NELL2: variants seen among roughly 807,000 people sequenced by gnomAD.
The protein encoded by NELL2 is protein kinase C-binding protein NELL2.
Under a neutral mutation model 109.6 loss-of-function variants are expected in NELL2, and 41 were observed. The observed-to-expected ratio is 0.37, with a 90% CI of 0.29 to 0.49. The LOEUF (loss-of-function observed/expected upper bound fraction) is 0.49. NELL2 is among the 20% of genes least tolerant of loss of function. The probability of loss-of-function intolerance (pLI) is 0.98; values close to 1 mark genes in which losing one functional copy is unlikely to be tolerated. For missense variants in NELL2, 900 were observed against 1,008.3 expected (o/e 0.89, Z 1.45); for synonymous variants, 355 against 344.7 (o/e 1.03, Z -0.33).
At chr12:44,635,180 T>C (rs1427874854) in intron 13 of NELL2, among the ~76,000 whole-genome samples, 8 of 152,204 alleles carry the variant, frequency 5.3e-5, no homozygotes, top group African/African-American at 1.9e-4. Flanking sequence ...TTCTGGATAC[T>C]AGCCCTTTGT....
At chr12:44,751,597 ACATTT>A (rs972157630) in intron 9 of NELL2, among the ~76,000 whole-genome samples, 1 of 152,212 alleles carries the variant, frequency 6.6e-6, no homozygotes, top group Non-Finnish European at 1.5e-5. Context: ...GACCAAGATA[ACATTT>A]CATATTTTCC....
intron 15 of NELL2, among the ~76,000 whole-genome samples, chr12:44,557,121 C>T (rs1943287318): frequency 6.6e-6 from 1 of 152,264 alleles, no homozygotes; most frequent in East Asian, 1.9e-4. Flanking sequence ...CATCCTTTCT[C>T]GTTCTCCCAT....
In NELL2 at chr12:44,641,372, G is replaced by A. The variant is rs192845836; in HGVS notation, c.1444+24112C>T. Among the ~76,000 whole-genome samples, 960 of 152,242 alleles carry A rather than the reference G, an allele frequency of 6.3e-3. 6 individuals carry two copies. Among genetic ancestry groups the A allele is most frequent in the Non-Finnish European group, 0.011 (767 of 68,014 alleles). The stretch of plus-strand genomic sequence containing the variant: ...TCAAATGTAATTCATGATACAAATG[G>A]ATATGGACAAAGTGAAGGATAATCA... On this transcript the variant is annotated intron_variant, in intron 13 of 19. Transcript: ENST00000429094.
At chr12:44,579,207 C>T (rs1177864342) in intron 15 of NELL2, among the ~76,000 whole-genome samples, 1 of 152,162 alleles carries the variant, frequency 6.6e-6, no homozygotes, top group African/African-American at 2.4e-5. Flanking sequence ...ACTTTAGATT[C>T]AAACACATGG....
At chr12:44,852,194 G>A (rs570458157) in intron 2 of NELL2, among the ~76,000 whole-genome samples, 12 of 152,066 alleles carry the variant, frequency 7.9e-5, no homozygotes, top group South Asian at 2.1e-4. Context: ...CTGAAATTCC[G>A]TATCTCAATT....
At chr12:44,570,621 A>G (rs1449626909) in intron 15 of NELL2, among the ~76,000 whole-genome samples, 1 of 152,210 alleles carries the variant, frequency 6.6e-6, no homozygotes, top group Non-Finnish European at 1.5e-5. Flanking sequence ...AAAATTTTAC[A>G]CTAATTAATA....
intron 1 of NELL2, among the ~76,000 whole-genome samples, chr12:44,890,981 C>A (rs139745625): frequency 7.0e-4 from 107 of 152,300 alleles, no homozygotes; most frequent in Admixed American, 1.5e-3. Flanking sequence ...CCACCCGCCT[C>A]GGCATCCCCA....
intron 13 of NELL2, among the ~76,000 whole-genome samples, chr12:44,612,313 T>C (rs972797340): frequency 1.1e-4 from 16 of 152,072 alleles, no homozygotes; most frequent in African/African-American, 3.4e-4. Flanking sequence ...CACAAAGTTA[T>C]GATAGCTTTA....
intron 3 of NELL2, among the ~76,000 whole-genome samples, chr12:44,793,254 T>A (rs988399272): frequency 6.6e-6 from 1 of 152,284 alleles, no homozygotes; most frequent in East Asian, 1.9e-4. Flanking sequence ...AAAGAATGAA[T>A]AAAATACCAA....
intron 15 of NELL2, among the ~76,000 whole-genome samples, chr12:44,602,984 A>G (rs890911393): frequency 1.3e-5 from 2 of 152,152 alleles, no homozygotes; most frequent in Admixed American, 6.5e-5. Flanking sequence ...TAAACTTAAA[A>G]AAAATCAACC....
intron 13 of NELL2, among the ~76,000 whole-genome samples, chr12:44,645,253 G>A (rs1180620327): frequency 6.6e-6 from 1 of 152,058 alleles, no homozygotes; most frequent in East Asian, 1.9e-4. Context: ...AATAAGCAAG[G>A]GAAGAACATG....
intron 15 of NELL2, among the ~76,000 whole-genome samples, chr12:44,584,245 G>A (rs1328215963): frequency 6.6e-6 from 1 of 152,214 alleles, no homozygotes; most frequent in Admixed American, 6.5e-5. Flanking sequence ...AGAAGAGGAA[G>A]TATCTACCTT....
At chr12:44,586,815 GCAACGA>G (rs1944524777) in intron 15 of NELL2, among the ~76,000 whole-genome samples, 1 of 152,056 alleles carries the variant, frequency 6.6e-6, no homozygotes, top group African/African-American at 2.4e-5. Flanking sequence ...CTCTACAAGG[GCAACGA>G]TGTTGCCCAA....
intron 9 of NELL2, among the ~76,000 whole-genome samples, chr12:44,730,250 AG>A (rs1407122150): frequency 1.3e-5 from 2 of 152,212 alleles, no homozygotes; most frequent in African/African-American, 2.4e-5. Context: ...AAAGTCAATA[AG>A]GAAACAGAAG....
intron 15 of NELL2, among the ~76,000 whole-genome samples, chr12:44,576,019 T>C (rs1183599787): frequency 7.9e-5 from 12 of 152,192 alleles, no homozygotes; most frequent in Non-Finnish European, 1.2e-4. Context: ...TCCAGGCACA[T>C]TGGTCCTCTT....
chr12:44,806,587 G>T (rs949437500), intron 3 of NELL2, among the ~76,000 whole-genome samples: 1 of 151,720 alleles, frequency 6.6e-6, no homozygotes, highest in African/African-American at 2.4e-5. Flanking sequence ...AGTGCATATA[G>T]AAAATAGCCA....
chr12:44,575,039 C>A (rs1223806200), intron 15 of NELL2, among the ~76,000 whole-genome samples: 2 of 152,158 alleles, frequency 1.3e-5, no homozygotes, highest in African/African-American at 4.8e-5. Flanking sequence ...ATTTTACTTA[C>A]ACATCTTGTG....
intron 12 of NELL2, among the ~76,000 whole-genome samples, chr12:44,701,902 A>T (rs1949240269): frequency 6.8e-6 from 1 of 147,836 alleles, no homozygotes; most frequent in Non-Finnish European, 1.5e-5. Flanking sequence ...AATCCTTGCA[A>T]ACTTTCCTAC....
chr12:44,607,510 A>G (rs1163580380), intron 14 of NELL2, among the ~76,000 whole-genome samples: 1 of 152,132 alleles, frequency 6.6e-6, no homozygotes, highest in African/African-American at 2.4e-5. Flanking sequence ...TATTTGAACA[A>G]CAAACAGCAA....
Sources: allele counts gnomAD v4.1 joint callset (sites outside exome capture counted in the v4.1 genomes callset), GRCh38; gene constraint gnomAD v4.1.1; transcripts MANE v1.5; gene names NCBI Gene and HGNC (gene_info 2026-07-23, HGNC 2026-07-21).